Variants in C1orf21 observed in about 807,000 individuals in gnomAD.
C1orf21 encodes the protein uncharacterized protein C1orf21.
Under a neutral mutation model 18.7 loss-of-function variants are expected in C1orf21, and 3 were observed. That is an observed-to-expected ratio of 0.16 (90% CI 0.07 to 0.42). The LOEUF (loss-of-function observed/expected upper bound fraction) is 0.42, where lower values mean the gene tolerates loss of function less well. C1orf21 is among the 10% of genes least tolerant of loss of function. The probability of loss-of-function intolerance (pLI) is 0.99; values close to 1 mark genes in which losing one functional copy is unlikely to be tolerated. For synonymous variants in C1orf21, 41 were observed against 46.4 expected (o/e 0.88, Z 0.47); for missense variants, 104 against 143.6 (o/e 0.72, Z 1.41).
chr1:184,487,573 C>T (rs528577401), intron 2 of C1orf21, among the ~76,000 whole-genome samples: 6 of 152,288 alleles, frequency 3.9e-5, no homozygotes, highest in African/African-American at 1.2e-4. Flanking sequence ...CCAACATTTG[C>T]TCAGAAGTCT....
chr1:184,621,110 TG>T lies in C1orf21; in HGVS notation c.*1555del, dbSNP rs1432089385. The T allele has an allele frequency of 6.6e-6, 1 of 152,440 alleles. No individual in the cohort carries two copies. The highest frequency in any genetic ancestry group is 6.5e-5 in the Admixed American group (1 of 15,274). The allele number at this position is 152,440 out of a possible 1,614,324, so 9.4% of individuals were successfully genotyped here. On this transcript the variant is annotated 3_prime_UTR_variant, in exon 6 of 6. Transcript: ENST00000235307. ...AAGATGTTCTATGTCAATTTGCTCT[TG>T]CCGAAAAGATGAGCCTCGATTTTAA...
intron 2 of C1orf21, among the ~76,000 whole-genome samples, chr1:184,478,188 GGGGAGTGAGTGAGGATTTATAAATGA>G (rs1278058101): frequency 6.6e-6 from 1 of 152,170 alleles, no homozygotes; most frequent in Admixed American, 6.5e-5. Context: ...AAGTCCAAAA[GGGGAGTGAGTGAGGATTTATAAATGA>G]GGGAGTGAGG....
At chr1:184,571,292 G>A (rs1361141355) in intron 3 of C1orf21, among the ~76,000 whole-genome samples, 4 of 83,316 alleles carry the variant, frequency 4.8e-5, no homozygotes, top group East Asian at 3.6e-4. Context: ...GCGAGACTCC[G>A]TCTCAAAAAA....
intron 2 of C1orf21, among the ~76,000 whole-genome samples, chr1:184,500,026 A>T (rs1221321761): frequency 6.6e-6 from 1 of 152,220 alleles, no homozygotes; most frequent in Non-Finnish European, 1.5e-5. Context: ...GGGAAATTAG[A>T]TAAATGTCTC....
chr1:184,443,525 T>G (rs2101976079), intron 1 of C1orf21, among the ~76,000 whole-genome samples: 1 of 152,336 alleles, frequency 6.6e-6, no homozygotes, highest in East Asian at 1.9e-4. Flanking sequence ...CCTGAAACCC[T>G]GAAAAGAAAA....
chr1:184,506,997 T>A (rs1658073248), intron 2 of C1orf21, among the ~76,000 whole-genome samples: 1 of 150,330 alleles, frequency 6.7e-6, no homozygotes, highest in Non-Finnish European at 1.5e-5. Flanking sequence ...AATAAATATA[T>A]ATATGAAATA....
chr1:184,544,962 G>C (rs959403765), intron 3 of C1orf21, among the ~76,000 whole-genome samples: 1 of 152,192 alleles, frequency 6.6e-6, no homozygotes, highest in Non-Finnish European at 1.5e-5. Flanking sequence ...TATAAACCAA[G>C]AGAGACAGAG....
At chr1:184,513,692 C>T (rs1658184749) in intron 3 of C1orf21, among the ~76,000 whole-genome samples, 1 of 152,196 alleles carries the variant, frequency 6.6e-6, no homozygotes, top group Admixed American at 6.5e-5. Flanking sequence ...CTGGTTCATA[C>T]TGGTTGAATG....
At chr1:184,430,390 C>T (rs985398291) in intron 1 of C1orf21, among the ~76,000 whole-genome samples, 6 of 152,102 alleles carry the variant, frequency 3.9e-5, no homozygotes, top group Admixed American at 2.0e-4. Context: ...GCACAGTTTA[C>T]GATTTGTAAG....
chr1:184,421,116 G>T (rs1046415885), intron 1 of C1orf21, among the ~76,000 whole-genome samples: 12 of 152,006 alleles, frequency 7.9e-5, no homozygotes, highest in Non-Finnish European at 1.6e-4. Flanking sequence ...TTACACTTCT[G>T]CTTTAATACA....
chr1:184,472,174 T>A (rs1450953543), intron 1 of C1orf21, among the ~76,000 whole-genome samples: 1 of 152,052 alleles, frequency 6.6e-6, no homozygotes, highest in Non-Finnish European at 1.5e-5. Flanking sequence ...GGAGCTTAGA[T>A]GTTAGCTGTT....
At chr1:184,566,698 G>T in intron 3 of C1orf21, 1 of 381,154 alleles carries the variant, frequency 2.6e-6, no homozygotes, top group South Asian at 2.4e-5. Flanking sequence ...TGTCAAAAAG[G>T]ACAAAAAAGT....
At chr1:184,403,909 TTAACAC>T (rs987119566) in intron 1 of C1orf21, among the ~76,000 whole-genome samples, 1 of 152,228 alleles carries the variant, frequency 6.6e-6, no homozygotes, top group Non-Finnish European at 1.5e-5. Flanking sequence ...CATGGGTACT[TTAACAC>T]TAAGCAGTTT....
At chr1:184,452,973 AGCCTTTCATT>A (rs1244269692) in intron 1 of C1orf21, among the ~76,000 whole-genome samples, 1 of 152,194 alleles carries the variant, frequency 6.6e-6, no homozygotes, top group Non-Finnish European at 1.5e-5. Flanking sequence ...AGAAGCATAA[AGCCTTTCATT>A]GAAAGGATTG....
intron 1 of C1orf21, among the ~76,000 whole-genome samples, chr1:184,424,239 C>T (rs1656595089): frequency 6.6e-6 from 1 of 152,088 alleles, no homozygotes; most frequent in Non-Finnish European, 1.5e-5. Context: ...TTAAAAGGGC[C>T]TCCTAAGGCT....
chr1:184,486,769 TAG>T (rs1657738119), intron 2 of C1orf21, among the ~76,000 whole-genome samples: 1 of 152,154 alleles, frequency 6.6e-6, no homozygotes, highest in South Asian at 2.1e-4. Flanking sequence ...CTTTTGAAGT[TAG>T]AGAGATAAGT....
At chr1:184,598,619 T>TTG (rs1659548667) in intron 5 of C1orf21, among the ~76,000 whole-genome samples, 158 bp downstream of exon 5, 2 of 152,164 alleles carry the variant, frequency 1.3e-5, no homozygotes, top group African/African-American at 4.8e-5. Context: ...CAAAATAAAG[T>TTG]GCATGTGAGA....
chr1:184,485,300 A>G (rs1229232251), intron 2 of C1orf21, among the ~76,000 whole-genome samples: 1 of 152,196 alleles, frequency 6.6e-6, no homozygotes, highest in Admixed American at 6.5e-5. Flanking sequence ...AATATAAAAT[A>G]GCTTATTAAT....
chr1:184,547,844 G>GT (rs2101980265), intron 3 of C1orf21, among the ~76,000 whole-genome samples: 1 of 152,268 alleles, frequency 6.6e-6, no homozygotes, highest in South Asian at 2.1e-4. Context: ...AGTAACAGTT[G>GT]TTTGACATTC....
Sources: allele counts gnomAD v4.1 joint callset (sites outside exome capture counted in the v4.1 genomes callset), GRCh38; gene constraint gnomAD v4.1.1; transcripts MANE v1.5; gene names NCBI Gene and HGNC (gene_info 2026-07-23, HGNC 2026-07-21).